Variants in CHRNA4 observed in about 807,000 individuals in gnomAD.
CHRNA4 encodes the protein neuronal acetylcholine receptor subunit alpha-4.
CHRNA4 carries 28 observed loss-of-function variants against 48.9 expected under a neutral mutation model. That is an observed-to-expected ratio of 0.57 (90% confidence interval 0.42 to 0.79). The LOEUF is 0.79. CHRNA4 is among the 30% of genes least tolerant of loss of function. The probability of loss-of-function intolerance (pLI) is 0.00; values close to 1 mark genes in which losing one functional copy is unlikely to be tolerated. For synonymous variants in CHRNA4, 425 were observed against 402.3 expected, an observed-to-expected ratio of 1.06 and a Z score of -0.68; for missense variants, 859 against 898.4, an observed-to-expected ratio of 0.96 and a Z score of 0.56.
chr20:63,356,617 G>C (rs957529844), intron 2 of CHRNA4: 2 of 624,290 alleles, frequency 3.2e-6, no homozygotes, highest in African/African-American at 1.8e-5. Flanking sequence ...AGGGATGTGG[G>C]GACAAGGCCA....
rs201989185 is a variant in CHRNA4 at position 63,343,339 on chromosome 20, C to T, written c.*3399G>A. 1.8e-4 allele frequency: 83 copies of T among 451,396 alleles called. No homozygotes were observed. The highest frequency in any genetic ancestry group is 2.7e-4 in the Non-Finnish European group (60 of 224,722). 28.0% of individuals were successfully genotyped at this position (451,396 alleles called of 1,614,324 possible). A position where few individuals can be genotyped will look rare whatever the true frequency, so the allele number is the denominator to read the frequency against. On this transcript the variant is annotated 3_prime_UTR_variant, in exon 6 of 6. Transcript: ENST00000370263. ...CCGCACCTGGGCTCGGCGGGCCACA[C>T]GGTCGGCGGGGCTTGGTCCATGGGG...
At chr20:63,353,057 G>A (rs529153959) in intron 4 of CHRNA4, among the ~76,000 whole-genome samples, 15 of 152,338 alleles carry the variant, frequency 9.8e-5, no homozygotes, top group Non-Finnish European at 2.1e-4. Context: ...CTGCTCCAGG[G>A]CCCACAGGCT....
Position 63,345,009 on chromosome 20 carries a change from C to T in CHRNA4, c.*1729G>A, listed in dbSNP as rs201354497. The T allele has an allele frequency of 3.4e-5, 15 of 442,146 alleles. No individual in the cohort carries two copies. The highest frequency in any genetic ancestry group is 1.2e-4 in the Admixed American group (5 of 42,184). The allele number at this position is 442,146 out of a possible 1,614,324, so 27.4% of individuals were successfully genotyped here. ...CCTCAGGACCCCGGTCACAGGCACC[C>T]GGGGGTGGGGGTGACCAGCAGCAGT... On this transcript the variant is annotated 3_prime_UTR_variant, in exon 6 of 6. Transcript: ENST00000370263. The surrounding 1 kb of genome is among the most constrained non-coding windows in gnomAD (Gnocchi z 5.4).
Position 63,343,894 on chromosome 20 carries a change from A to T in CHRNA4, c.*2844T>A. 2.2e-6 allele frequency: 1 copy of T among 454,148 alleles called. No individual in the cohort carries two copies. Among genetic ancestry groups the T allele is most frequent in the Non-Finnish European group, 4.4e-6 (1 of 226,798 alleles). 28.1% of individuals were successfully genotyped at this position (454,148 alleles called of 1,614,324 possible). A position where few individuals can be genotyped will look rare whatever the true frequency, so the allele number is the denominator to read the frequency against. ...AGCCCTGGCAAGGTGGGTTCTAGGC[A>T]AGCTGTCCACCCCCGGGAACTAACT... On this transcript the variant is annotated 3_prime_UTR_variant, in exon 6 of 6. Coordinates refer to ENST00000370263, the MANE Select transcript of CHRNA4 (RefSeq NM_000744.7).
rs1433757598 is a variant in CHRNA4 at position 63,356,313 on chromosome 20, C to T, written c.273+58G>A. ...GTGGGGCAGGGCCAGGACAGGGCAG[C>T]AGGGTGAGGGGTGTGGGGGAGGGCA... On this transcript the variant is annotated intron_variant, in intron 3 of 5. Transcript: ENST00000370263. 4 of 984,468 alleles carry T rather than the reference C, an allele frequency of 4.1e-6. No homozygotes were observed. The South Asian group carries it at 5.3e-5, about 13-fold the overall frequency. 61.0% of individuals were successfully genotyped at this position (984,468 alleles called of 1,614,324 possible).
chr20:63,348,995 G>A (rs1230624728), intron 5 of CHRNA4, among the ~76,000 whole-genome samples: 9 of 152,140 alleles, frequency 5.9e-5, no homozygotes, highest in Admixed American at 6.5e-5. Flanking sequence ...AGTGCCTGGC[G>A]CTGGAGGGTG....
Position 63,345,465 on chromosome 20 carries a change from C to T in CHRNA4, c.*1273G>A. 1 of 382,520 alleles carries T rather than the reference C, an allele frequency of 2.6e-6. No individual in the cohort carries two copies. Among genetic ancestry groups the T allele is most frequent in the South Asian group, 1.9e-5 (1 of 53,274 alleles). 23.7% of individuals were successfully genotyped at this position (382,520 alleles called of 1,614,324 possible). A position where few individuals can be genotyped will look rare whatever the true frequency, so the allele number is the denominator to read the frequency against. The stretch of plus-strand genomic sequence containing the variant: ...TGCCCCTGGGGACACTGGGGGGCTG[C>T]CGGGTGCGCCATCTTTAGGGGGTGC... On this transcript the variant is annotated 3_prime_UTR_variant, in exon 6 of 6. Coordinates refer to ENST00000370263, the MANE Select transcript of CHRNA4 (RefSeq NM_000744.7). This position sits in a 1 kb window ranked among gnomAD's most constrained non-coding sequence, Gnocchi z 5.4.
At position 63,361,260 on chromosome 20, in the gene CHRNA4, C is replaced by T; in HGVS notation, c.-95G>A. The T allele has an allele frequency of 1.4e-6, 2 of 1,395,570 alleles. No homozygotes were observed. The highest frequency in any genetic ancestry group is 1.9e-6 in the Non-Finnish European group (2 of 1,076,940). The allele number at this position is 1,395,570 out of a possible 1,614,324, so 86.4% of individuals were successfully genotyped here. A position where few individuals can be genotyped will look rare whatever the true frequency, so the allele number is the denominator to read the frequency against. The stretch of plus-strand genomic sequence containing the variant: ...GCCCAACTTCATGCCTCCCGCGCCT[C>T]GCGGGCCGCTTCGGCCGCCGGGCCC... On this transcript the variant is annotated 5_prime_UTR_variant, in exon 1 of 6. Transcript: ENST00000370263.
chr20:63,349,530 G>T, intron 5 of CHRNA4, 123 bp downstream of exon 5: 1 of 1,270,304 alleles, frequency 7.9e-7, no homozygotes, highest in Non-Finnish European at 1.1e-6. Context: ...GCCACGCCCT[G>T]CACCCCAAAG....
chr20:63,349,461 C>T (rs3899053), intron 5 of CHRNA4, 192 bp downstream of exon 5: 14 of 748,572 alleles, frequency 1.9e-5, no homozygotes, highest in African/African-American at 1.2e-4. Context: ...CCCCCTGCCC[C>T]GCTCAGCCTG....
chr20:63,349,424 G>A, intron 5 of CHRNA4: 1 of 603,746 alleles, frequency 1.7e-6, no homozygotes, highest in Admixed American at 2.9e-5. Flanking sequence ...ACGGCACCGG[G>A]ATCCACCCTG....
chr20:63,348,893 C>A (rs1230241133), intron 5 of CHRNA4, among the ~76,000 whole-genome samples: 1 of 152,210 alleles, frequency 6.6e-6, no homozygotes, highest in Non-Finnish European at 1.5e-5. Context: ...GCCTCTCCTG[C>A]ATGGAATGGG....
intron 4 of CHRNA4, among the ~76,000 whole-genome samples, chr20:63,353,725 G>A (rs1400442766): frequency 1.1e-4 from 5 of 46,864 alleles, no homozygotes; most frequent in Admixed American, 2.4e-4. Flanking sequence ...TCCTGGGGGG[G>A]CTGTGGTCCT....
chr20:63,345,403 G>A lies in CHRNA4; in HGVS notation c.*1335C>T, dbSNP rs1278612644. ...CCCTCTGGGCCCTTGGAATCATGGA[G>A]GGGTGGGGCAGCCTGTGCCCATCCC... On this transcript the variant is annotated 3_prime_UTR_variant, in exon 6 of 6. Transcript: ENST00000370263. This position sits in a 1 kb window ranked among gnomAD's most constrained non-coding sequence, Gnocchi z 5.4. The A allele has an allele frequency of 2.4e-6, 1 of 412,064 alleles. No homozygotes were observed. The highest frequency in any genetic ancestry group is 1.7e-5 in the South Asian group (1 of 58,840). The allele number at this position is 412,064 out of a possible 1,614,324, so 25.5% of individuals were successfully genotyped here.
At chr20:63,346,911 C>G in intron 5 of CHRNA4, 48 bp from the exon 6 acceptor site, 2 of 1,610,050 alleles carry the variant, frequency 1.2e-6, no homozygotes, top group Non-Finnish European at 8.5e-7. Context: ...CCGCCGCCAG[C>G]GGGGACAGCC....
Position 63,349,633 on chromosome 20 carries a change from C to G in CHRNA4, c.1758+20G>C, listed in dbSNP as rs75073465. The G allele has an allele frequency of 6.2e-7, 1 of 1,612,584 alleles. No homozygotes were observed. Among genetic ancestry groups the G allele is most frequent in the African/African-American group, 1.3e-5 (1 of 75,068 alleles). On this transcript the variant is annotated intron_variant, in intron 5 of 5. Transcript: ENST00000370263. ...CCGTCTGGGTCAGAGGCGCCCAACA[C>G]AGCCATGGGCGGGACTTACCGAGAA...
At chr20:63,359,264 C>G (rs2068764279) in intron 2 of CHRNA4, 2 of 480,160 alleles carry the variant, frequency 4.2e-6, no homozygotes, top group South Asian at 4.1e-5. Context: ...CTGTTCTTTG[C>G]TTCCGAAGGT....
intron 5 of CHRNA4, among the ~76,000 whole-genome samples, chr20:63,347,621 C>CTGCTGTG (rs1568806043): frequency 6.6e-6 from 1 of 152,228 alleles, no homozygotes; most frequent in Non-Finnish European, 1.5e-5. Flanking sequence ...GAGACAGCCG[C>CTGCTGTG]TGTGTGCAGC....
intron 2 of CHRNA4, among the ~76,000 whole-genome samples, chr20:63,357,765 C>A (rs1188557244): frequency 2.0e-5 from 3 of 152,180 alleles, no homozygotes; most frequent in Non-Finnish European, 2.9e-5. Flanking sequence ...TCCGTGCACA[C>A]GTGGCCCTCG....
Sources: gnomAD v4.1 joint callset for allele counts (sites outside exome capture counted in the v4.1 genomes callset) on GRCh38, gnomAD v4.1.1 for gene constraint, Gnocchi (gnomAD v3.1) non-coding constraint, MANE v1.5 for transcripts, NCBI Gene and HGNC (gene_info 2026-07-23, HGNC 2026-07-21) for gene names.